Variants in SLC44A5 observed in about 807,000 individuals in gnomAD.
SLC44A5 encodes choline transporter-like protein 5.
SLC44A5 carries 57 observed loss-of-function variants against 101.8 expected under a neutral mutation model. The ratio of observed to expected loss-of-function variants is 0.56; its 90% CI spans 0.45 to 0.70. The LOEUF (loss-of-function observed/expected upper bound fraction) is 0.70, where lower values mean the gene tolerates loss of function less well. Ranked by LOEUF, SLC44A5 falls within the 30% of genes least tolerant of loss-of-function variation. The pLI is 0.00. For missense variants in SLC44A5, 737 were observed against 853.1 expected (o/e 0.86, Z 1.70); for synonymous variants, 281 against 290.9 (o/e 0.97, Z 0.35).
intron 1 of SLC44A5, among the ~76,000 whole-genome samples, chr1:75,561,096 T>C (rs1416070115): frequency 6.6e-6 from 1 of 152,166 alleles, no homozygotes; most frequent in Non-Finnish European, 1.5e-5. Context: ...GGAAACAAGA[T>C]GTCAGTCTCT....
intron 1 of SLC44A5, among the ~76,000 whole-genome samples, chr1:75,596,007 C>T (rs1396771680): frequency 6.6e-6 from 1 of 152,130 alleles, no homozygotes; most frequent in Non-Finnish European, 1.5e-5. Flanking sequence ...GAATTTCTAA[C>T]ATCATTCAAA....
intron 5 of SLC44A5, among the ~76,000 whole-genome samples, chr1:75,289,921 G>C (rs957641609): frequency 6.6e-6 from 1 of 152,132 alleles, no homozygotes; most frequent in Non-Finnish European, 1.5e-5. Context: ...TAACTACAAG[G>C]GTTGACCTCT....
At chr1:75,282,423 G>A (rs1042510807) in intron 5 of SLC44A5, among the ~76,000 whole-genome samples, 3 of 152,152 alleles carry the variant, frequency 2.0e-5, no homozygotes, top group Non-Finnish European at 2.9e-5. Context: ...CTTTGGACTT[G>A]GACTTTTGGG....
chr1:75,575,663 A>T (rs910856127), intron 1 of SLC44A5, among the ~76,000 whole-genome samples: 1 of 152,200 alleles, frequency 6.6e-6, no homozygotes, highest in Admixed American at 6.5e-5. Context: ...CTTAATACAG[A>T]GGGTATATAT....
intron 2 of SLC44A5, among the ~76,000 whole-genome samples, chr1:75,534,225 T>G (rs185690330): frequency 6.6e-6 from 1 of 152,294 alleles, no homozygotes; most frequent in East Asian, 1.9e-4. Context: ...GATTTACCTT[T>G]TGCAAATCAC....
Position 75,227,862 on chromosome 1 carries a change from A to G in SLC44A5, c.854-5T>C. ...GCTGGTAACAGTGCCATATTCCTTG[A>G]AAAAGAAAGAAAAACAGAATAATAT... On this transcript the variant is annotated splice_region_variant and splice_polypyrimidine_tract_variant and intron_variant, in intron 12 of 23. Transcript: ENST00000370859. The G allele has an allele frequency of 6.3e-7, 1 of 1,577,890 alleles. No homozygotes were observed. The highest frequency in any genetic ancestry group is 2.3e-5 in the East Asian group (1 of 43,800).
At chr1:75,267,759 C>T (rs1651120572) in intron 6 of SLC44A5, among the ~76,000 whole-genome samples, 1 of 151,880 alleles carries the variant, frequency 6.6e-6, no homozygotes, top group Admixed American at 6.6e-5. Flanking sequence ...TTTGTAGGGA[C>T]AGGCTTTCAC....
intron 13 of SLC44A5, among the ~76,000 whole-genome samples, chr1:75,225,457 T>C (rs1055007187): frequency 1.3e-5 from 2 of 152,212 alleles, no homozygotes; most frequent in Middle Eastern, 6.8e-3. Context: ...TAAGAGTAAA[T>C]AATATAAATA....
At chr1:75,647,061 T>A in the SLC44A5 span, among the ~76,000 whole-genome samples, 1 of 152,188 alleles carries the variant, frequency 6.6e-6, no homozygotes, top group African/African-American at 2.4e-5. Flanking sequence ...GTCTTCACAG[T>A]AATCCCTCCC....
the SLC44A5 span, among the ~76,000 whole-genome samples, chr1:75,671,139 T>C: frequency 5.3e-5 from 8 of 152,248 alleles, no homozygotes; most frequent in Admixed American, 1.3e-4. Flanking sequence ...TTGAATAACT[T>C]AGTGGGCTCT....
the SLC44A5 span, among the ~76,000 whole-genome samples, chr1:75,651,977 A>G: frequency 6.6e-6 from 1 of 152,152 alleles, no homozygotes; most frequent in African/African-American, 2.4e-5. Context: ...CCCTGAAACA[A>G]GTGATCAGCT....
intron 1 of SLC44A5, among the ~76,000 whole-genome samples, chr1:75,578,439 T>C (rs1418117100): frequency 1.3e-5 from 2 of 152,130 alleles, no homozygotes; most frequent in Non-Finnish European, 2.9e-5. Context: ...GATAGATAGA[T>C]AGATAGACAT....
the SLC44A5 span, among the ~76,000 whole-genome samples, chr1:75,675,937 CAT>C: frequency 6.6e-6 from 1 of 152,028 alleles, no homozygotes; most frequent in Non-Finnish European, 1.5e-5. Flanking sequence ...GGCTAACAAA[CAT>C]ATGAAAAAAA....
At chr1:75,635,246 T>G in the SLC44A5 span, among the ~76,000 whole-genome samples, 1 of 151,428 alleles carries the variant, frequency 6.6e-6, no homozygotes, top group Non-Finnish European at 1.5e-5. Context: ...TGGAAGTCAG[T>G]GTGGCGATTC....
chr1:75,615,769 G>T, upstream of SLC44A5: 2 of 819,644 alleles, frequency 2.4e-6, no homozygotes, highest in Non-Finnish European at 3.0e-6. Flanking sequence ...ACTTGGCCGC[G>T]CCTGGATGTA....
chr1:75,275,413 A>T (rs115079272), intron 5 of SLC44A5, among the ~76,000 whole-genome samples: 47 of 152,318 alleles, frequency 3.1e-4, no homozygotes, highest in Non-Finnish European at 6.0e-4. Flanking sequence ...TAATACATTT[A>T]CAGTAAATAA....
intron 2 of SLC44A5, among the ~76,000 whole-genome samples, chr1:75,480,677 C>T (rs1313527277): frequency 3.3e-5 from 5 of 151,850 alleles, no homozygotes; most frequent in Admixed American, 6.6e-5. Context: ...AATAAAATAC[C>T]TAGGAATCCA....
At chr1:75,390,780 G>C (rs1241838165) in intron 3 of SLC44A5, among the ~76,000 whole-genome samples, 2 of 152,102 alleles carry the variant, frequency 1.3e-5, no homozygotes, top group African/African-American at 4.8e-5. Context: ...TGAGGAACTA[G>C]AACAAGACAA....
chr1:75,265,173 C>T (rs1650885658), intron 6 of SLC44A5, among the ~76,000 whole-genome samples: 1 of 152,154 alleles, frequency 6.6e-6, no homozygotes, highest in South Asian at 2.1e-4. Flanking sequence ...TTTTACCAGA[C>T]TTACAGAGAA....
Sources: allele counts gnomAD v4.1 joint callset (sites outside exome capture counted in the v4.1 genomes callset), GRCh38; gene constraint gnomAD v4.1.1; transcripts MANE v1.5; gene names NCBI Gene and HGNC (gene_info 2026-07-23, HGNC 2026-07-21).